Variants in SP100 observed in about 807,000 individuals in gnomAD.
SP100 encodes SP100 nuclear body protein, also known as nuclear autoantigen Sp-100.
In SP100, 84 loss-of-function variants were observed where a neutral mutation model predicts 130.0. The ratio of observed to expected loss-of-function variants is 0.65; its 90% CI spans 0.54 to 0.77. SP100 has a LOEUF of 0.77. SP100 is among the 30% of genes least tolerant of loss of function. The pLI is 0.00. For missense variants in SP100, 978 were observed against 1,052.2 expected (o/e 0.93, Z 0.97); for synonymous variants, 331 against 351.7 (o/e 0.94, Z 0.66).
chr2:230,530,450 A>C (rs1691649253), intron 24 of SP100, among the ~76,000 whole-genome samples: 1 of 152,224 alleles, frequency 6.6e-6, no homozygotes, highest in Admixed American at 6.5e-5. Context: ...TAAAGACTTA[A>C]ATGTTAGACC....
chr2:230,498,356 G>A, intron 18 of SP100, 105 bp from the exon 19 acceptor site: 1 of 543,606 alleles, frequency 1.8e-6, no homozygotes, highest in Non-Finnish European at 3.2e-6. Flanking sequence ...TTCTTTGTGT[G>A]TTAGGCTCTG....
intron 8 of SP100, among the ~76,000 whole-genome samples, chr2:230,452,378 T>A (rs1382185921): frequency 6.6e-6 from 1 of 152,136 alleles, no homozygotes; most frequent in African/African-American, 2.4e-5. Context: ...GGTTTCACCA[T>A]GTTGGTCGGG....
At chr2:230,513,310 T>A (rs868499283) in intron 24 of SP100, among the ~76,000 whole-genome samples, 1 of 152,088 alleles carries the variant, frequency 6.6e-6, no homozygotes, top group South Asian at 2.1e-4. Flanking sequence ...AACTCTAAGA[T>A]CCAGAAATAA....
intron 19 of SP100, among the ~76,000 whole-genome samples, chr2:230,500,351 T>A (rs556969187): frequency 1.3e-5 from 2 of 152,164 alleles, no homozygotes; most frequent in Non-Finnish European, 2.9e-5. Context: ...CACTTTATTA[T>A]ACATGATCTG....
intron 8 of SP100, among the ~76,000 whole-genome samples, chr2:230,455,951 G>T (rs1172732785): frequency 2.0e-5 from 3 of 152,070 alleles, no homozygotes; most frequent in Non-Finnish European, 1.5e-5. Flanking sequence ...TTTATATAGT[G>T]TATACTCTAA....
intron 19 of SP100, among the ~76,000 whole-genome samples, chr2:230,501,511 A>G (rs2150062680): frequency 1.3e-5 from 2 of 152,284 alleles, no homozygotes; most frequent in South Asian, 4.1e-4. Flanking sequence ...AAAAACCTCT[A>G]AGTAATTGTT....
At chr2:230,525,201 G>C (rs1691364291) in intron 24 of SP100, among the ~76,000 whole-genome samples, 1 of 152,100 alleles carries the variant, frequency 6.6e-6, no homozygotes, top group South Asian at 2.1e-4. Flanking sequence ...AAAACAGAAA[G>C]TTCAACCATG....
intron 19 of SP100, among the ~76,000 whole-genome samples, chr2:230,498,921 C>A (rs1180037929): frequency 6.6e-6 from 1 of 152,164 alleles, no homozygotes; most frequent in Non-Finnish European, 1.5e-5. Flanking sequence ...GGGTCTGCCC[C>A]AAGTAAATTA....
At chr2:230,535,673 C>T (rs1691902793) in intron 24 of SP100, among the ~76,000 whole-genome samples, 1 of 151,810 alleles carries the variant, frequency 6.6e-6, no homozygotes, top group Non-Finnish European at 1.5e-5. Context: ...TTTGGGAGGC[C>T]AAGGCAGGTG....
At chr2:230,537,385 C>A (rs994247495) in intron 24 of SP100, among the ~76,000 whole-genome samples, 1 of 152,154 alleles carries the variant, frequency 6.6e-6, no homozygotes, top group Non-Finnish European at 1.5e-5. Flanking sequence ...TCAATCCACA[C>A]TGTTTCTGTT....
intron 2 of SP100, among the ~76,000 whole-genome samples, chr2:230,437,584 G>C (rs1419772880): frequency 2.0e-5 from 3 of 151,652 alleles, no homozygotes; most frequent in African/African-American, 7.3e-5. Flanking sequence ...TGTTGTTGTT[G>C]TTTGGGACAG....
intron 2 of SP100, among the ~76,000 whole-genome samples, chr2:230,431,932 A>T (rs1368665545): frequency 6.6e-6 from 1 of 152,072 alleles, no homozygotes; most frequent in Non-Finnish European, 1.5e-5. Context: ...TTAAGTGTGT[A>T]TCTCAATGAT....
chr2:230,543,142 G>T lies in SP100; in HGVS notation c.*196G>T. 2.7e-6 allele frequency: 1 copy of T among 370,850 alleles called. No homozygotes were observed. The allele number at this position is 370,850 out of a possible 1,614,324, so 23.0% of individuals were successfully genotyped here. A position where few individuals can be genotyped will look rare whatever the true frequency, so the allele number is the denominator to read the frequency against. The stretch of plus-strand genomic sequence containing the variant: ...CATGTTAAAAATTCTCAATAAGCTA[G>T]GTATTGAGGAACATATCCCAAAATA... On this transcript the variant is annotated 3_prime_UTR_variant, in exon 29 of 29. Coordinates refer to ENST00000340126, the MANE Select transcript of SP100 (RefSeq NM_001080391.2).
chr2:230,473,258 T>TG, intron 15 of SP100, 66 bp from the exon 16 acceptor site: 3 of 1,079,688 alleles, frequency 2.8e-6, no homozygotes, highest in Non-Finnish European at 4.3e-6. Context: ...TCACTAATGT[T>TG]GGGGGGAAGG....
In SP100 at chr2:230,498,552, A is replaced by C; in HGVS notation, c.1720+17A>C. ...AACAAAGAGGTAAAAAAAAAAAAAT[A>C]CATTTTAAATAAATAACGTCTAAAT... On this transcript the variant is annotated intron_variant, in intron 19 of 28. Transcript: ENST00000340126. The C allele has an allele frequency of 7.7e-7, 1 of 1,296,220 alleles. No homozygotes were observed. Among genetic ancestry groups the C allele is most frequent in the East Asian group, 2.7e-5 (1 of 36,794 alleles). The allele number at this position is 1,296,220 out of a possible 1,614,324, so 80.3% of individuals were successfully genotyped here.
At chr2:230,441,454 T>G (rs1405217885) in intron 2 of SP100, among the ~76,000 whole-genome samples, 3 of 152,174 alleles carry the variant, frequency 2.0e-5, no homozygotes. Context: ...AGCAGCAATT[T>G]TATTTATACT....
chr2:230,483,123 T>C (rs1361341344), intron 17 of SP100, among the ~76,000 whole-genome samples: 1 of 152,246 alleles, frequency 6.6e-6, no homozygotes, highest in Non-Finnish European at 1.5e-5. Context: ...AAAAATCTCA[T>C]CGAGCTTACA....
At chr2:230,420,842 CT>C (rs1163666212) in intron 2 of SP100, among the ~76,000 whole-genome samples, 2 of 152,112 alleles carry the variant, frequency 1.3e-5, no homozygotes, top group East Asian at 1.9e-4. Context: ...AATGGATTAA[CT>C]TTTTGGCTCT....
chr2:230,512,523 C>G (rs574399537), intron 24 of SP100, among the ~76,000 whole-genome samples: 1 of 150,388 alleles, frequency 6.6e-6, no homozygotes, highest in Non-Finnish European at 1.5e-5. Context: ...CTCCTGACCT[C>G]GTGATCCACC....
Sources: allele counts gnomAD v4.1 joint callset (sites outside exome capture counted in the v4.1 genomes callset), GRCh38; gene constraint gnomAD v4.1.1; transcripts MANE v1.5; gene names NCBI Gene and HGNC (gene_info 2026-07-23, HGNC 2026-07-21).